Variants in ANKRD13C observed in about 807,000 individuals in gnomAD.
ANKRD13C encodes ankyrin repeat domain 13C.
In ANKRD13C, 16 loss-of-function variants were observed where a neutral mutation model predicts 65.5. That is an observed-to-expected ratio of 0.24 (90% confidence interval 0.17 to 0.37). The LOEUF (loss-of-function observed/expected upper bound fraction) is 0.37, where lower values mean the gene tolerates loss of function less well. Among genes scored for constraint, ANKRD13C ranks in the 10% least tolerant of loss-of-function variants. ANKRD13C has a pLI of 1.00. For missense variants in ANKRD13C, 503 were observed against 655.9 expected, an observed-to-expected ratio of 0.77 and a Z score of 2.55; for synonymous variants, 235 against 238.7, an observed-to-expected ratio of 0.98 and a Z score of 0.14.
chr1:70,325,721 T>TA (rs1269028928), intron 2 of ANKRD13C, among the ~76,000 whole-genome samples: 2 of 149,994 alleles, frequency 1.3e-5, no homozygotes, highest in African/African-American at 4.9e-5. Context: ...TACTAAAAAA[T>TA]AAAAAAAATT....
intron 11 of ANKRD13C, among the ~76,000 whole-genome samples, 156 bp from the exon 12 acceptor site, chr1:70,271,112 C>A (rs1407176077): frequency 6.6e-6 from 1 of 152,190 alleles, no homozygotes; most frequent in Non-Finnish European, 1.5e-5. Context: ...ACTTTTTACT[C>A]TATAATGGTT....
At chr1:70,338,426 G>A (rs1682154785) in intron 1 of ANKRD13C, among the ~76,000 whole-genome samples, 1 of 152,120 alleles carries the variant, frequency 6.6e-6, no homozygotes, top group Non-Finnish European at 1.5e-5. Context: ...GTGTGAGACA[G>A]AGTCTCCTTC....
chr1:70,331,864 G>T (rs947595697), intron 2 of ANKRD13C, among the ~76,000 whole-genome samples: 1 of 138,808 alleles, frequency 7.2e-6, no homozygotes, highest in South Asian at 2.3e-4. Context: ...GTATAAAGTA[G>T]ATGTTTTACT....
chr1:70,331,820 C>CAAAA (rs10526340), intron 2 of ANKRD13C, among the ~76,000 whole-genome samples: 19 of 69,986 alleles, frequency 2.7e-4, no homozygotes, highest in Non-Finnish European at 3.0e-4. Context: ...AGACTCGACT[C>CAAAA]AAAAAAAAAA....
intron 9 of ANKRD13C, among the ~76,000 whole-genome samples, chr1:70,282,349 C>T (rs1458486072): frequency 6.6e-6 from 1 of 151,922 alleles, no homozygotes; most frequent in African/African-American, 2.4e-5. Flanking sequence ...GACACCGCGC[C>T]CGGCAATATA....
intron 8 of ANKRD13C, chr1:70,293,428 C>CA: frequency 2.6e-6 from 1 of 389,228 alleles, no homozygotes; most frequent in Non-Finnish European, 3.5e-6. Flanking sequence ...GTCCACCTTG[C>CA]AAAAAAAGCA....
At chr1:70,324,016 G>A (rs139138896) in intron 3 of ANKRD13C, among the ~76,000 whole-genome samples, 50 of 152,184 alleles carry the variant, frequency 3.3e-4, no homozygotes, top group African/African-American at 1.1e-3. Context: ...GTGAGCCACC[G>A]TGCCCAGCCT....
chr1:70,290,571 T>C (rs953830717), intron 9 of ANKRD13C, among the ~76,000 whole-genome samples: 2 of 151,744 alleles, frequency 1.3e-5, no homozygotes, highest in Non-Finnish European at 2.9e-5. Context: ...GATCTCACTG[T>C]GTCACCCAGG....
chr1:70,291,143 G>C (rs1679849816), intron 9 of ANKRD13C, among the ~76,000 whole-genome samples: 1 of 151,834 alleles, frequency 6.6e-6, no homozygotes, highest in African/African-American at 2.4e-5. Flanking sequence ...CGATTCTCCT[G>C]CCTCAGCCTT....
intron 9 of ANKRD13C, among the ~76,000 whole-genome samples, chr1:70,285,501 A>T (rs72929251): frequency 0.041 from 6,187 of 151,962 alleles, 416 homozygotes; most frequent in African/African-American, 0.14. Flanking sequence ...AGCTATAATG[A>T]CTTTTAAAAC....
chr1:70,268,567 G>T (rs1362975964), intron 12 of ANKRD13C, among the ~76,000 whole-genome samples: 10 of 152,214 alleles, frequency 6.6e-5, no homozygotes, highest in Non-Finnish European at 1.3e-4. Flanking sequence ...GAGATAGGAA[G>T]ATGAAAGAAA....
chr1:70,331,385 A>AC (rs1297380890), intron 2 of ANKRD13C, among the ~76,000 whole-genome samples: 1 of 151,864 alleles, frequency 6.6e-6, no homozygotes, highest in Non-Finnish European at 1.5e-5. Context: ...ATATGGTGAA[A>AC]CCCCGTCTCT....
chr1:70,341,619 C>T (rs974586595), intron 1 of ANKRD13C, among the ~76,000 whole-genome samples: 5 of 152,118 alleles, frequency 3.3e-5, no homozygotes, highest in Admixed American at 6.6e-5. Context: ...CTCAGCCTCC[C>T]AAAGTGATGG....
intron 3 of ANKRD13C, among the ~76,000 whole-genome samples, chr1:70,317,059 G>C (rs1222744523): frequency 2.6e-4 from 1 of 3,904 alleles, no homozygotes; most frequent in African/African-American, 3.6e-4. Flanking sequence ...GCTTGGACTA[G>C]ATTTTTTTTT....
Position 70,261,727 on chromosome 1 carries a change from AAT to A in ANKRD13C, c.*988_*989del, listed in dbSNP as rs1228344891. 6.6e-6 allele frequency: 1 copy of A among 152,546 alleles called. No homozygotes were observed. Among genetic ancestry groups the A allele is most frequent in the Non-Finnish European group, 1.5e-5 (1 of 67,976 alleles). The allele number at this position is 152,546 out of a possible 1,614,324, so 9.4% of individuals were successfully genotyped here. A position where few individuals can be genotyped will look rare whatever the true frequency, so the allele number is the denominator to read the frequency against. ...TTTTTATCTTATTTTGAAAGGATTA[AAT>A]ATGTAGGGTTGTCCAAAATATGTGT... On this transcript the variant is annotated 3_prime_UTR_variant, in exon 13 of 13. Coordinates refer to ENST00000370944, the MANE Select transcript of ANKRD13C (RefSeq NM_030816.5).
intron 8 of ANKRD13C, chr1:70,293,400 G>T: frequency 5.3e-6 from 1 of 188,110 alleles, no homozygotes; most frequent in Non-Finnish European, 9.9e-6. Context: ...AAAACTACAT[G>T]TTCAGAGTTG....
At position 70,261,211 on chromosome 1, in the gene ANKRD13C, C is replaced by T. The variant is rs1007566285; in HGVS notation, c.*1506G>A. 1.8e-4 allele frequency: 27 copies of T among 152,100 alleles called. No homozygotes were observed. Among genetic ancestry groups the T allele is most frequent in the African/African-American group, 6.3e-4 (26 of 41,506 alleles). 9.4% of individuals were successfully genotyped at this position (152,100 alleles called of 1,614,324 possible). On this transcript the variant is annotated 3_prime_UTR_variant, in exon 13 of 13. Coordinates refer to ENST00000370944, the MANE Select transcript of ANKRD13C (RefSeq NM_030816.5). ...AAAATGTATTTAATGTCAACATACG[C>T]AATGCATGTATCAGTATGGAAGATG...
At chr1:70,333,874 G>A (rs906032441) in intron 2 of ANKRD13C, among the ~76,000 whole-genome samples, 3 of 152,030 alleles carry the variant, frequency 2.0e-5, no homozygotes, top group East Asian at 1.9e-4. Flanking sequence ...AGACCTGGCT[G>A]GTACCTACTT....
chr1:70,346,742 G>A (rs553131354), intron 1 of ANKRD13C, among the ~76,000 whole-genome samples: 2 of 152,212 alleles, frequency 1.3e-5, no homozygotes, highest in East Asian at 3.9e-4. Context: ...CCCAACTATA[G>A]TAGCTTTTTA....
Sources: allele counts gnomAD v4.1 joint callset (sites outside exome capture counted in the v4.1 genomes callset), GRCh38; gene constraint gnomAD v4.1.1; transcripts MANE v1.5; gene names NCBI Gene and HGNC (gene_info 2026-07-23, HGNC 2026-07-21).